Variants in UBP1 observed in about 807,000 individuals in gnomAD.
UBP1 encodes upstream-binding protein 1.
In UBP1, 22 loss-of-function variants were observed where a neutral mutation model predicts 76.1. The observed-to-expected ratio is 0.29, with a 90% CI of 0.21 to 0.41. The LOEUF is 0.41. UBP1 is among the 10% of genes least tolerant of loss of function. UBP1 has a pLI of 1.00. For synonymous variants in UBP1, 224 were observed against 237.1 expected (o/e 0.94, Z 0.51); for missense variants, 436 against 668.1 (o/e 0.65, Z 3.83).
intron 3 of UBP1, among the ~76,000 whole-genome samples, chr3:33,414,431 A>C (rs973271239): frequency 9.2e-5 from 14 of 152,162 alleles, no homozygotes; most frequent in Non-Finnish European, 2.9e-5. Flanking sequence ...CTAAAAGAAA[A>C]AAATAGGACA....
At chr3:33,399,771 G>A (rs999869359) in intron 11 of UBP1, among the ~76,000 whole-genome samples, 2 of 152,140 alleles carry the variant, frequency 1.3e-5, no homozygotes, top group African/African-American at 4.8e-5. Flanking sequence ...CATACGTTGT[G>A]CCAATGTCAG....
At chr3:33,412,184 C>CT (rs1425865868) in intron 4 of UBP1, among the ~76,000 whole-genome samples, 1 of 110,016 alleles carries the variant, frequency 9.1e-6, no homozygotes, top group African/African-American at 3.4e-5. Context: ...GAAACTCCGT[C>CT]TCAAAAAAAA....
At chr3:33,433,525 C>A in intron 1 of UBP1, among the ~76,000 whole-genome samples, 1 of 151,650 alleles carries the variant, frequency 6.6e-6, no homozygotes, top group Admixed American at 6.6e-5. Context: ...TGGTGGCATG[C>A]ACCTGTAATC....
intron 2 of UBP1, among the ~76,000 whole-genome samples, chr3:33,417,079 A>G (rs1315176936): frequency 6.6e-6 from 1 of 152,206 alleles, no homozygotes; most frequent in Non-Finnish European, 1.5e-5. Flanking sequence ...CTCTTACACT[A>G]AACTTTTATT....
Position 33,440,006 on chromosome 3 carries a change from C to A in UBP1, c.-158G>T, listed in dbSNP as rs1005632778. 15 of 679,636 alleles carry A rather than the reference C, an allele frequency of 2.2e-5. No individual in the cohort carries two copies. The African/African-American group carries it at 2.9e-4, about 13-fold the overall frequency. 42.1% of individuals were successfully genotyped at this position (679,636 alleles called of 1,614,324 possible). A position where few individuals can be genotyped will look rare whatever the true frequency, so the allele number is the denominator to read the frequency against. On this transcript the variant is annotated 5_prime_UTR_variant, in exon 1 of 16. Transcript: ENST00000283629. ...GGCCGGGACGAGAGCTGCGGGGGCC[C>A]CACTGGCAGGGCACGACGAGCCCAG...
intron 2 of UBP1, among the ~76,000 whole-genome samples, chr3:33,418,860 CAAAAAA>C (rs59774815): frequency 2.9e-4 from 22 of 76,770 alleles, no homozygotes; most frequent in African/African-American, 1.1e-3. Context: ...ACTCTGTCTC[CAAAAAA>C]AAAAAAAAAA....
intron 1 of UBP1, among the ~76,000 whole-genome samples, chr3:33,429,524 T>C (rs1048384906): frequency 6.6e-6 from 1 of 152,058 alleles, no homozygotes; most frequent in African/African-American, 2.4e-5. Flanking sequence ...GAGTGGGGTT[T>C]CCCCATGTTG....
At chr3:33,418,323 G>A (rs1468767081) in intron 2 of UBP1, among the ~76,000 whole-genome samples, 6 of 151,900 alleles carry the variant, frequency 3.9e-5, no homozygotes, top group African/African-American at 1.4e-4. Context: ...GCGCAATCTC[G>A]GCTCACTGCA....
intron 1 of UBP1, among the ~76,000 whole-genome samples, chr3:33,430,908 A>G (rs1288974189): frequency 1.3e-5 from 2 of 152,002 alleles, no homozygotes; most frequent in Non-Finnish European, 2.9e-5. Flanking sequence ...ACTGATTTCT[A>G]TTTTCCTGAC....
Position 33,390,171 on chromosome 3 carries a change from G to T in UBP1, c.*160C>A. 1 of 682,226 alleles carries T rather than the reference G, an allele frequency of 1.5e-6. No homozygotes were observed. 42.3% of individuals were successfully genotyped at this position (682,226 alleles called of 1,614,324 possible). ...TTGGCTATGGCAGTGACAGTGAGGA[G>T]ATTCACCTCTCATACAGCTCATTAG... is the stretch of plus-strand genomic sequence containing the variant. On this transcript the variant is annotated 3_prime_UTR_variant, in exon 16 of 16. Coordinates refer to ENST00000283629, the MANE Select transcript of UBP1 (RefSeq NM_014517.5).
intron 2 of UBP1, among the ~76,000 whole-genome samples, chr3:33,418,682 A>T (rs1022353833): frequency 3.3e-5 from 5 of 151,594 alleles, no homozygotes; most frequent in Non-Finnish European, 5.9e-5. Flanking sequence ...AACATGGAGA[A>T]ACCTCATCTC....
intron 1 of UBP1, among the ~76,000 whole-genome samples, chr3:33,432,469 A>T: frequency 6.6e-6 from 1 of 152,368 alleles, no homozygotes; most frequent in East Asian, 1.9e-4. Flanking sequence ...ACTACAACAT[A>T]TACAGCATCC....
rs1304456786 is a variant in UBP1 at position 33,390,312 on chromosome 3, G to T, written c.*19C>A. On this transcript the variant is annotated 3_prime_UTR_variant, in exon 16 of 16. Coordinates refer to ENST00000283629, the MANE Select transcript of UBP1 (RefSeq NM_014517.5). Reference sequence around the variant, plus strand: ...GCGTGACTATTTGGTACTGAATACAGTTCAGTCTATATAAGACATCACTTC... The same window carrying T: ...GCGTGACTATTTGGTACTGAATACATTTCAGTCTATATAAGACATCACTTC... 6.2e-7 allele frequency: 1 copy of T among 1,609,414 alleles called. No individual in the cohort carries two copies. The highest frequency in any genetic ancestry group is 8.5e-7 in the Non-Finnish European group (1 of 1,175,728).
At chr3:33,421,043 G>C (rs72853003) in intron 2 of UBP1, among the ~76,000 whole-genome samples, 5,857 of 152,288 alleles carry the variant, frequency 0.038, 139 homozygotes, top group South Asian at 0.07. Context: ...GTCAGCAAGG[G>C]GGTAAGATCA....
chr3:33,406,677 C>T (rs954064831), intron 8 of UBP1, among the ~76,000 whole-genome samples: 7 of 152,150 alleles, frequency 4.6e-5, no homozygotes, highest in African/African-American at 7.2e-5. Flanking sequence ...GAAAAGCAAG[C>T]GATGGTGCAG....
chr3:33,395,774 GAAAA>G (rs1333594811), intron 13 of UBP1, among the ~76,000 whole-genome samples: 3 of 77,524 alleles, frequency 3.9e-5, no homozygotes, highest in Non-Finnish European at 7.8e-5. Context: ...AAAAAAAAAA[GAAAA>G]AGGAAAGAAA....
At chr3:33,396,520 G>C (rs1360744986) in intron 12 of UBP1, 1 of 485,828 alleles carries the variant, frequency 2.1e-6, no homozygotes, top group Non-Finnish European at 3.7e-6. Flanking sequence ...TCAGATGCTG[G>C]TAAATTTAAG....
chr3:33,410,486 A>C (rs2044552410), intron 5 of UBP1, among the ~76,000 whole-genome samples: 1 of 152,258 alleles, frequency 6.6e-6, no homozygotes, highest in Non-Finnish European at 1.5e-5. Context: ...CCAGGGATTA[A>C]CTGATGGAGA....
chr3:33,407,028 A>C (rs1169871169), intron 8 of UBP1, among the ~76,000 whole-genome samples: 1 of 152,218 alleles, frequency 6.6e-6, no homozygotes, highest in Non-Finnish European at 1.5e-5. Context: ...ACTCTATGAA[A>C]TGTTGGCCTT....
Sources: gnomAD v4.1 joint callset for allele counts (sites outside exome capture counted in the v4.1 genomes callset) on GRCh38, gnomAD v4.1.1 for gene constraint, MANE v1.5 for transcripts, NCBI Gene and HGNC (gene_info 2026-07-23, HGNC 2026-07-21) for gene names.